The following OR2T6 variants were observed in gnomAD, a reference collection of about 807,000 sequenced individuals.
OR2T6 encodes olfactory receptor 2T6.
For missense variants in OR2T6, 424 were observed against 391.6 expected, an observed-to-expected ratio of 1.08 and a Z score of -0.70; for synonymous variants, 174 against 148.0, an observed-to-expected ratio of 1.18 and a Z score of -1.27.
intron 1 of OR2T6, among the ~76,000 whole-genome samples, chr1:248,381,029 T>C (rs1460562958): frequency 6.6e-6 from 1 of 152,088 alleles, no homozygotes; most frequent in Non-Finnish European, 1.5e-5. Context: ...GGATGTTTAC[T>C]CTGAATGATG....
At position 248,388,487 on chromosome 1, in the gene OR2T6, G is replaced by T. The variant is rs753697324; in HGVS notation, c.879G>T (p.Arg293Ser). 1 of 1,597,906 alleles carries T rather than the reference G, an allele frequency of 6.3e-7. No individual in the cohort carries two copies. The highest frequency in any genetic ancestry group is 8.5e-7 in the Non-Finnish European group (1 of 1,172,208). The change falls in exon 3 of 3, where the codon AGG becomes AGT. Residue 293 changes from arginine (R) to serine (S), a missense_variant. By Grantham distance (110) the Arg-to-Ser change is moderately radical. Transcript: ENST00000641644. ...TAAACCCTCTCATCTACAGTCTGAG[G>T]AACAGGGATGTGATGGGTGCCTTGA... is the stretch of plus-strand genomic sequence containing the variant. ...PLLNPLIYSL[R>S]NRDVMGALKR...
Position 248,388,401 on chromosome 1 carries a change from T to G in OR2T6, c.793T>G (p.Tyr265Asp), listed in dbSNP as rs1370745792. Reference protein sequence around the residue: ...ALYTYTLPQSYHTPIKDKVFS... With the variant: ...ALYTYTLPQSDHTPIKDKVFS... ...GTATACGTATACGCTTCCCCAATCT[T>G]ACCACACCCCAATCAAAGATAAGGT... The change falls in exon 3 of 3, where the codon TAC (tyrosine) becomes GAC (aspartate). Residue 265 changes from tyrosine (Y) to aspartate (D), a missense_variant. Physicochemically the swap from Tyr to Asp is radical, Grantham distance 160. Transcript: ENST00000641644. The G allele has an allele frequency of 1.2e-6, 2 of 1,613,790 alleles. No homozygotes were observed. The highest frequency in any genetic ancestry group is 2.2e-5 in the South Asian group (2 of 91,044).
intron 1 of OR2T6, among the ~76,000 whole-genome samples, chr1:248,381,864 T>C (rs201339890): frequency 1.4e-4 from 21 of 146,214 alleles, no homozygotes; most frequent in Admixed American, 6.2e-4. Context: ...TTATCCCCCC[T>C]AATTTATCTC....
intron 1 of OR2T6, among the ~76,000 whole-genome samples, chr1:248,381,790 TAC>T (rs1661038060): frequency 6.6e-6 from 1 of 152,158 alleles, no homozygotes; most frequent in African/African-American, 2.4e-5. Flanking sequence ...TTAGTAATAT[TAC>T]AGTTTCTTCC....
intron 2 of OR2T6, among the ~76,000 whole-genome samples, chr1:248,386,416 A>G (rs1180542948): frequency 1.3e-5 from 2 of 152,212 alleles, no homozygotes; most frequent in Non-Finnish European, 1.5e-5. Flanking sequence ...TGAGGAGGAC[A>G]TTAGGACAGA....
intron 1 of OR2T6, among the ~76,000 whole-genome samples, chr1:248,380,215 A>G (rs1033467653): frequency 6.6e-6 from 1 of 152,034 alleles, no homozygotes; most frequent in African/African-American, 2.4e-5. Context: ...ATACAAAACT[A>G]TACTTTAAAA....
chr1:248,376,635 A>T (rs1033522184), intron 1 of OR2T6, among the ~76,000 whole-genome samples: 1 of 141,620 alleles, frequency 7.1e-6, no homozygotes, highest in Non-Finnish European at 1.5e-5. Flanking sequence ...TCATGTATGT[A>T]TTTAATTTTT....
intron 1 of OR2T6, 68 bp from the exon 2 acceptor site, chr1:248,384,643 G>A (rs1321902998): frequency 9.7e-6 from 1 of 103,370 alleles, no homozygotes; most frequent in Non-Finnish European, 2.3e-5. Flanking sequence ...GCCTGAGTGT[G>A]TTCATCCTCT....
intron 1 of OR2T6, among the ~76,000 whole-genome samples, chr1:248,381,743 A>AAT (rs1040566105): frequency 5.9e-5 from 9 of 151,736 alleles, no homozygotes; most frequent in South Asian, 2.1e-4. Flanking sequence ...ATTATTTTTA[A>AAT]ATATATATAT....
intron 1 of OR2T6, among the ~76,000 whole-genome samples, chr1:248,382,019 TG>T (rs1661041991): frequency 6.6e-6 from 1 of 152,204 alleles, no homozygotes; most frequent in African/African-American, 2.4e-5. Context: ...CTTTGAAACT[TG>T]GGCCCTTTCT....
Position 248,375,967 on chromosome 1 carries a change from T to C in OR2T6, c.-246T>C, listed in dbSNP as rs1660933766. On this transcript the variant is annotated 5_prime_UTR_variant, in exon 1 of 3. Coordinates refer to ENST00000641644, the MANE Select transcript of OR2T6 (RefSeq NM_001005471.2). ...CAAGAAGGTTCCCTTTTATCTCTTG[T>C]TTCTAAGGTCTCACCTCTTGTGAAG... 6.6e-6 allele frequency: 1 copy of C among 152,174 alleles called. No individual in the cohort carries two copies. The highest frequency in any genetic ancestry group is 1.5e-5 in the Non-Finnish European group (1 of 68,022). The allele number at this position is 152,174 out of a possible 1,614,324, so 9.4% of individuals were successfully genotyped here.
rs1294423831 is a variant in OR2T6, at chr1:248,388,329, T to C, written c.721T>C (p.Cys241Arg). 1 of 1,613,726 alleles carries C rather than the reference T, an allele frequency of 6.2e-7. No homozygotes were observed. Among genetic ancestry groups the C allele is most frequent in the Non-Finnish European group, 8.5e-7 (1 of 1,179,746 alleles). ...AEGRKKAFAT[C>R]SSHMMVVTLF... ...AGGGAGGAAGAAGGCCTTTGCCACC[T>C]GCTCTTCACACATGATGGTGGTGAC... Residue 241 changes from cysteine (C) to arginine (R), a missense_variant, in exon 3 of 3, where the codon TGC becomes CGC. Transcript: ENST00000641644.
At position 248,388,355 on chromosome 1, in the gene OR2T6, A is replaced by G. The variant is rs1475758148; in HGVS notation, c.747A>G (p.Thr249=). 12 of 1,613,278 alleles carry G rather than the reference A, an allele frequency of 7.4e-6. No individual in the cohort carries two copies. In the East Asian group the frequency reaches 2.7e-4, roughly 36 times the overall value. The change falls in exon 3 of 3, where the codon ACA becomes ACG. Residue 249 remains threonine (T), a synonymous_variant. Coordinates refer to ENST00000641644, the MANE Select transcript of OR2T6 (RefSeq NM_001005471.2). ...ATCSSHMMVV[T]LFYGAALYTY... ...GCTCTTCACACATGATGGTGGTGAC[A>G]TTGTTCTATGGGGCTGCCTTGTATA...
intron 1 of OR2T6, 136 bp from the exon 2 acceptor site, chr1:248,384,575 G>A (rs1226624153): frequency 1.5e-5 from 2 of 137,578 alleles, no homozygotes; most frequent in African/African-American, 2.8e-5. Context: ...GCCTGAGTGT[G>A]CTCATCCTAT....
At chr1:248,385,790 C>T (rs975260437) in intron 2 of OR2T6, among the ~76,000 whole-genome samples, 7 of 152,120 alleles carry the variant, frequency 4.6e-5, no homozygotes, top group Non-Finnish European at 7.4e-5. Flanking sequence ...ATATTGCCTT[C>T]GGCAAGATAT....
rs1314680336 is a variant in OR2T6, at chr1:248,388,412, A to G, written c.804A>G (p.Pro268=). 1 of 1,613,592 alleles carries G rather than the reference A, an allele frequency of 6.2e-7. No homozygotes were observed. Among genetic ancestry groups the G allele is most frequent in the Admixed American group, 1.7e-5 (1 of 60,002 alleles). ...CGCTTCCCCAATCTTACCACACCCC[A>G]ATCAAAGATAAGGTCTTCTCTGCCT... ...TYTLPQSYHT[P]IKDKVFSAFY... Residue 268 remains proline, a synonymous_variant, in exon 3 of 3, where the codon CCA becomes CCG. Coordinates refer to ENST00000641644, the MANE Select transcript of OR2T6 (RefSeq NM_001005471.2).
rs779149786 is a variant in OR2T6 at position 248,388,186 on chromosome 1, C to A, written c.578C>A (p.Thr193Asn). 1 of 1,613,946 alleles carries A rather than the reference C, an allele frequency of 6.2e-7. No individual in the cohort carries two copies. Among genetic ancestry groups the A allele is most frequent in the Admixed American group, 1.7e-5 (1 of 59,990 alleles). Residue 193 changes from threonine (T) to asparagine (N), a missense_variant, in exon 3 of 3, where the codon ACC becomes AAC. Physicochemically the swap from Thr to Asn is moderately conservative, Grantham distance 65 (BLOSUM62 0). Transcript: ENST00000641644. Reference sequence around the variant, plus strand: ...CTGAGGCTGGCCTGTGGGGACAAAACCACCTATGAAACAGTGATGTATGTG... The same window carrying A: ...CTGAGGCTGGCCTGTGGGGACAAAAACACCTATGAAACAGTGATGTATGTG... ...TMLRLACGDKTTYETVMYVCC... is the reference protein window; with the variant it reads ...TMLRLACGDKNTYETVMYVCC...
At chr1:248,385,901 C>T (rs560474685) in intron 2 of OR2T6, among the ~76,000 whole-genome samples, 9 of 152,312 alleles carry the variant, frequency 5.9e-5, no homozygotes, top group Admixed American at 4.6e-4. Flanking sequence ...TGTTACATGA[C>T]GTTTGATCAT....
rs76599773 is a variant in OR2T6, at chr1:248,377,823, C to A, written c.-159+1769C>A. Among the ~76,000 whole-genome samples, 109 of 152,198 alleles carry A rather than the reference C, an allele frequency of 7.2e-4. 1 individual carries two copies. The highest frequency in any genetic ancestry group is 2.4e-3 in the African/African-American group (101 of 41,500). The stretch of plus-strand genomic sequence containing the variant: ...CTTGAGCTTCATTTCTGCCTTTGGG[C>A]GCATTTTTTTCCTATCCCAACCCAA... On this transcript the variant is annotated intron_variant, in intron 1 of 2. Coordinates refer to ENST00000641644, the MANE Select transcript of OR2T6 (RefSeq NM_001005471.2).
Sources: allele counts gnomAD v4.1 joint callset (sites outside exome capture counted in the v4.1 genomes callset), GRCh38; gene constraint gnomAD v4.1.1; transcripts MANE v1.5; gene names NCBI Gene and HGNC (gene_info 2026-07-23, HGNC 2026-07-21).